KIF5C: variants seen among roughly 807,000 people sequenced by gnomAD.
The protein encoded by KIF5C is kinesin heavy chain isoform 5C.
In KIF5C, 18 loss-of-function variants were observed where a neutral mutation model predicts 125.2. That is an observed-to-expected ratio of 0.14 (90% CI 0.10 to 0.21). The LOEUF (loss-of-function observed/expected upper bound fraction) is 0.21. Ranked by LOEUF, KIF5C falls within the 10% of genes least tolerant of loss-of-function variation. The pLI, the probability that KIF5C is intolerant of heterozygous loss-of-function variation, is 1.00. For missense variants in KIF5C, 780 were observed against 1,183.8 expected (o/e 0.66, Z 5.01); for synonymous variants, 405 against 434.0 (o/e 0.93, Z 0.83).
intron 23 of KIF5C, among the ~76,000 whole-genome samples, chr2:149,009,876 C>CA (rs1312802356): frequency 6.6e-6 from 1 of 152,216 alleles, no homozygotes; most frequent in Non-Finnish European, 1.5e-5. Context: ...AATCCTGCCT[C>CA]AGATGGAAAG....
At chr2:148,977,351 T>G (rs1681105267) in intron 12 of KIF5C, among the ~76,000 whole-genome samples, 2 of 152,230 alleles carry the variant, frequency 1.3e-5, no homozygotes, top group African/African-American at 4.8e-5. Flanking sequence ...TCTCCTCTTG[T>G]GGTTTATATC....
intron 1 of KIF5C, among the ~76,000 whole-genome samples, chr2:148,904,424 G>A (rs773669910): frequency 2.6e-5 from 4 of 152,348 alleles, no homozygotes; most frequent in Admixed American, 6.5e-5. Flanking sequence ...AGTGTATTGT[G>A]AAGATTGAAC....
intron 1 of KIF5C, among the ~76,000 whole-genome samples, chr2:148,892,311 A>C (rs1574696142): frequency 6.6e-6 from 1 of 152,236 alleles, no homozygotes; most frequent in Admixed American, 6.5e-5. Flanking sequence ...ATCAAATGTG[A>C]TAAGTGTTGC....
chr2:148,924,988 T>C lies in KIF5C; in HGVS notation c.217+2761T>C, dbSNP rs1268705940. On this transcript the variant is annotated intron_variant, in intron 2 of 25. Transcript: ENST00000435030. This position sits in a 1 kb window ranked among gnomAD's most constrained non-coding sequence, Gnocchi z 4.0. ...CTTTGAGTACAGGGAAAGAGACAGA[T>C]GTGTACATAATCATCACACACATAG... 3.3e-5 allele frequency among the ~76,000 whole-genome samples: 5 copies of C among 152,156 alleles called. No individual in the cohort carries two copies. The highest frequency in any genetic ancestry group is 4.4e-5 in the Non-Finnish European group (3 of 68,030).
At chr2:148,946,131 A>T (rs1682515865) in intron 7 of KIF5C, among the ~76,000 whole-genome samples, 1 of 152,128 alleles carries the variant, frequency 6.6e-6, no homozygotes, top group Admixed American at 6.6e-5. Context: ...AATGCAACTG[A>T]TTTTTTACAT....
At chr2:148,880,814 T>C (rs556442358) in intron 1 of KIF5C, among the ~76,000 whole-genome samples, 1 of 152,072 alleles carries the variant, frequency 6.6e-6, no homozygotes, top group Non-Finnish European at 1.5e-5. Flanking sequence ...GGGAACATCA[T>C]AGAGAGCTGT....
chr2:148,883,566 T>C (rs1407044105), intron 1 of KIF5C: 1 of 152,204 alleles, frequency 6.6e-6, no homozygotes, highest in Non-Finnish European at 1.5e-5. Context: ...TTATTGTATA[T>C]TCTAGTTCTT....
rs762437855 is a variant in KIF5C, at chr2:148,922,193, G to A, written c.183G>A (p.Gln61=). 11 of 1,613,154 alleles carry A rather than the reference G, an allele frequency of 6.8e-6. No homozygotes were observed. In the African/African-American group the frequency reaches 8.0e-5, roughly 12 times the overall value. Residue 61 remains glutamine, a synonymous_variant, in exon 2 of 26, where the codon CAG becomes CAA. Coordinates refer to ENST00000435030, the MANE Select transcript of KIF5C (RefSeq NM_004522.3). ...TACCTCCCAACACGACCCAAGAGCAGGTTTACAATGCATGTGCGAAGCAAA... is the reference window on the plus strand; with the variant it reads ...TACCTCCCAACACGACCCAAGAGCAAGTTTACAATGCATGTGCGAAGCAAA... The part of the protein sequence containing the change: ...RVLPPNTTQE[Q]VYNACAKQIV...
intron 13 of KIF5C, among the ~76,000 whole-genome samples, chr2:148,980,390 C>T (rs1370110879): frequency 6.6e-6 from 1 of 152,134 alleles, no homozygotes; most frequent in Non-Finnish European, 1.5e-5. Context: ...TTTTTCTATA[C>T]TATCAAGGCA....
chr2:148,944,439 G>A (rs932410261), intron 7 of KIF5C, among the ~76,000 whole-genome samples: 3 of 152,146 alleles, frequency 2.0e-5, no homozygotes, highest in Non-Finnish European at 4.4e-5. Flanking sequence ...TTAGCATAAT[G>A]TCTTCAAGTT....
intron 22 of KIF5C, 82 bp from the exon 23 acceptor site, chr2:149,007,879 ATT>A: frequency 2.6e-6 from 3 of 1,157,538 alleles, no homozygotes; most frequent in East Asian, 3.1e-5. Context: ...GGGAATGGGG[ATT>A]TTTTTTTTCC....
At chr2:149,009,115 G>A (rs1007442359) in intron 23 of KIF5C, among the ~76,000 whole-genome samples, 20 of 150,162 alleles carry the variant, frequency 1.3e-4, no homozygotes, top group Non-Finnish European at 2.7e-4. Flanking sequence ...TCAGCCTCCC[G>A]AGTAGCTGGG....
intron 16 of KIF5C, among the ~76,000 whole-genome samples, chr2:148,991,406 T>C (rs1279919272): frequency 1.3e-5 from 2 of 152,114 alleles, no homozygotes; most frequent in African/African-American, 4.8e-5. Context: ...GTCCGTTCCC[T>C]TTTTCGAGGA....
intron 11 of KIF5C, among the ~76,000 whole-genome samples, chr2:148,964,541 G>A (rs905947462): frequency 1.3e-5 from 2 of 152,196 alleles, no homozygotes; most frequent in Non-Finnish European, 2.9e-5. Flanking sequence ...ACCAATAAAT[G>A]TATGATGGTA....
At chr2:148,975,368 G>T (rs1681032582) in intron 12 of KIF5C, among the ~76,000 whole-genome samples, 1 of 152,166 alleles carries the variant, frequency 6.6e-6, no homozygotes, top group Non-Finnish European at 1.5e-5. Context: ...AATACATGAG[G>T]TGGGATATGG....
chr2:148,981,873 A>G (rs1458931580), intron 14 of KIF5C, among the ~76,000 whole-genome samples: 1 of 152,234 alleles, frequency 6.6e-6, no homozygotes, highest in African/African-American at 2.4e-5. Flanking sequence ...GTCTGACTTC[A>G]TAACTCTTAG....
At chr2:148,969,772 C>T (rs562192693) in intron 11 of KIF5C, among the ~76,000 whole-genome samples, 51 of 152,152 alleles carry the variant, frequency 3.4e-4, no homozygotes, top group Non-Finnish European at 6.0e-4. Context: ...TCTCCATTAA[C>T]GTGGTGAGAT....
chr2:148,934,086 T>C (rs1360676622), intron 3 of KIF5C, among the ~76,000 whole-genome samples: 1 of 138,650 alleles, frequency 7.2e-6, no homozygotes, highest in Non-Finnish European at 1.5e-5. Flanking sequence ...CACACAGACA[T>C]ATATATCACA....
chr2:148,877,520 GC>G (rs1681225968), intron 1 of KIF5C, among the ~76,000 whole-genome samples: 1 of 152,244 alleles, frequency 6.6e-6, no homozygotes, highest in Non-Finnish European at 1.5e-5. Context: ...ACAGCTCTCA[GC>G]CAGTATCTGC....
Sources: allele counts gnomAD v4.1 joint callset (sites outside exome capture counted in the v4.1 genomes callset), GRCh38; gene constraint gnomAD v4.1.1; non-coding constraint Gnocchi (gnomAD v3.1); transcripts MANE v1.5; gene names NCBI Gene and HGNC (gene_info 2026-07-23, HGNC 2026-07-21).